The following KCNN3 variants were observed in gnomAD, a reference collection of about 807,000 sequenced individuals.
KCNN3 encodes the protein small conductance calcium-activated potassium channel protein 3.
Under a neutral mutation model 62.9 loss-of-function variants are expected in KCNN3, and 16 were observed. The ratio of observed to expected loss-of-function variants is 0.25; its 90% confidence interval spans 0.17 to 0.39. KCNN3 has a LOEUF of 0.39. Ranked by LOEUF, KCNN3 falls within the 10% of genes least tolerant of loss-of-function variation. The pLI, the probability that KCNN3 is intolerant of heterozygous loss-of-function variation, is 1.00. For missense variants in KCNN3, 599 were observed against 949.4 expected (o/e 0.63, Z 4.85); for synonymous variants, 370 against 389.2 (o/e 0.95, Z 0.58).
chr1:154,795,903 G>A (rs1649714211), intron 2 of KCNN3, among the ~76,000 whole-genome samples: 3 of 152,220 alleles, frequency 2.0e-5, no homozygotes, highest in South Asian at 2.1e-4. Context: ...AGCAGGGCAG[G>A]GCCAATTCTG....
intron 3 of KCNN3, among the ~76,000 whole-genome samples, chr1:154,734,144 T>C (rs6426905): frequency 0.85 from 129,692 of 152,190 alleles, 56,184 homozygotes; most frequent in Non-Finnish European, 0.94. Flanking sequence ...CCAGGGCTTA[T>C]ACAAAGTGCA....
At chr1:154,842,610 T>A (rs1345187623) in intron 1 of KCNN3, among the ~76,000 whole-genome samples, 1 of 144,408 alleles carries the variant, frequency 6.9e-6, no homozygotes, top group Non-Finnish European at 1.5e-5. Context: ...CTGGTTTCCC[T>A]CCTGTGGCTC....
At chr1:154,795,708 G>A (rs541268913) in intron 2 of KCNN3, among the ~76,000 whole-genome samples, 11 of 152,346 alleles carry the variant, frequency 7.2e-5, no homozygotes, top group African/African-American at 2.6e-4. Context: ...AGTTGGTGGG[G>A]GTGGGTCAGG....
At chr1:154,727,891 T>G (rs534076851) in intron 4 of KCNN3, among the ~76,000 whole-genome samples, 1 of 152,240 alleles carries the variant, frequency 6.6e-6, no homozygotes, top group Non-Finnish European at 1.5e-5. Flanking sequence ...CCAAAAGTAC[T>G]TTGGGCTGAA....
chr1:154,785,465 A>G (rs1220966157), intron 2 of KCNN3, among the ~76,000 whole-genome samples: 1 of 151,846 alleles, frequency 6.6e-6, no homozygotes, highest in Non-Finnish European at 1.5e-5. Flanking sequence ...TCACCCCTTC[A>G]GGGGGAGCTT....
chr1:154,776,831 C>A (rs1012276798), intron 2 of KCNN3, among the ~76,000 whole-genome samples: 1 of 152,186 alleles, frequency 6.6e-6, no homozygotes, highest in Non-Finnish European at 1.5e-5. Flanking sequence ...CATGCCCAGG[C>A]CCAGGCCCAC....
At chr1:154,822,256 G>A in intron 1 of KCNN3, 72 bp from the exon 2 acceptor site, 1 of 1,169,442 alleles carries the variant, frequency 8.6e-7, no homozygotes, top group East Asian at 2.4e-5. Context: ...CTGCGGCTGT[G>A]TAAAAGAGAA....
chr1:154,868,438 A>G, intron 1 of KCNN3: 1 of 797,000 alleles, frequency 1.3e-6, no homozygotes. Flanking sequence ...AGAGGAGGGA[A>G]ACAGAAACTT....
At chr1:154,850,791 G>C (rs942942669) in intron 1 of KCNN3, among the ~76,000 whole-genome samples, 7 of 152,114 alleles carry the variant, frequency 4.6e-5, no homozygotes, top group Non-Finnish European at 8.8e-5. Context: ...ATAAAATCAG[G>C]CTTCCAGGCC....
At chr1:154,732,694 C>T (rs1176361020) in intron 4 of KCNN3, among the ~76,000 whole-genome samples, 1 of 152,182 alleles carries the variant, frequency 6.6e-6, no homozygotes, top group Non-Finnish European at 1.5e-5. Flanking sequence ...GGCTGCACAG[C>T]AGTGGGGTGG....
chr1:154,782,549 C>A (rs1472042450), intron 2 of KCNN3, among the ~76,000 whole-genome samples: 2 of 152,182 alleles, frequency 1.3e-5, no homozygotes, highest in African/African-American at 2.4e-5. Context: ...CTTATTTAAA[C>A]TTAATTACCT....
At chr1:154,846,451 C>G (rs907080376) in intron 1 of KCNN3, among the ~76,000 whole-genome samples, 2 of 152,212 alleles carry the variant, frequency 1.3e-5, no homozygotes, top group Non-Finnish European at 2.9e-5. Context: ...GAGCCAGGAG[C>G]GTCTGCCCCC....
At chr1:154,732,373 T>A (rs912270980) in intron 4 of KCNN3, among the ~76,000 whole-genome samples, 3 of 152,196 alleles carry the variant, frequency 2.0e-5, no homozygotes, top group Non-Finnish European at 4.4e-5. Flanking sequence ...GCTGGGCACC[T>A]GGAGATGGGA....
Position 154,869,627 on chromosome 1 carries a change from G to A in KCNN3, c.338C>T (p.Ser113Leu), listed in dbSNP as rs973416823. 16 of 1,613,842 alleles carry A rather than the reference G, an allele frequency of 9.9e-6. No individual in the cohort carries two copies. The highest frequency in any genetic ancestry group is 1.4e-5 in the Non-Finnish European group (16 of 1,179,890). The change falls in exon 1 of 8, where the codon TCG becomes TTG. Residue 113 changes from serine (S) to leucine (L), a missense_variant. By Grantham distance (145) the Ser-to-Leu change is moderately radical. This residue lies in a region of KCNN3 where 112 missense variants were observed against 142.9 expected (regional missense o/e 0.78). Transcript: ENST00000271915. This position sits in a 1 kb window ranked among gnomAD's most constrained non-coding sequence, Gnocchi z 6.1. Reference sequence around the variant, plus strand: ...GTGGAGGATGGCGGTGGAGTTGGACGAAGGGGGGGCCCTGAAAGCGGTGGG... The same window carrying A: ...GTGGAGGATGGCGGTGGAGTTGGACAAAGGGGGGGCCCTGAAAGCGGTGGG... ...SSPTAFRAPPSSNSTAILHPS... is the reference protein window; with the variant it reads ...SSPTAFRAPPLSNSTAILHPS...
intron 1 of KCNN3, among the ~76,000 whole-genome samples, chr1:154,841,551 A>G (rs1360071609): frequency 1.3e-5 from 2 of 152,000 alleles, no homozygotes. Flanking sequence ...GGAGATTGAA[A>G]CTCAGAGAGG....
intron 3 of KCNN3, among the ~76,000 whole-genome samples, chr1:154,756,571 C>G (rs1352313928): frequency 6.6e-6 from 1 of 152,062 alleles, no homozygotes; most frequent in African/African-American, 2.4e-5. Flanking sequence ...TCTTCTCATT[C>G]TTCTCAGAAG....
intron 1 of KCNN3, among the ~76,000 whole-genome samples, chr1:154,856,617 C>T (rs1269625208): frequency 2.0e-5 from 3 of 152,168 alleles, no homozygotes; most frequent in Non-Finnish European, 2.9e-5. Flanking sequence ...CTTCACAGAG[C>T]GCTCCATGTG....
In KCNN3 at chr1:154,822,169, A is replaced by G. The variant is rs1342035493; in HGVS notation, c.949T>C (p.Leu317=). The change falls in exon 2 of 8, where the codon TTG becomes CTG. Residue 317 remains leucine (L), a synonymous_variant. Coordinates refer to ENST00000271915, the MANE Select transcript of KCNN3 (RefSeq NM_002249.6). ...GLYSKDSMFS[L]ALKCLISLST... is the part of the protein sequence containing the mutation. ...AGACTGATAAGGCATTTCAGGGCCAACGAAAACATGGAGTCCTGCAGGAAC... is the reference window on the plus strand; with the variant it reads ...AGACTGATAAGGCATTTCAGGGCCAGCGAAAACATGGAGTCCTGCAGGAAC... 26 of 1,613,344 alleles carry G rather than the reference A, an allele frequency of 1.6e-5. No homozygotes were observed. The highest frequency in any genetic ancestry group is 2.2e-5 in the East Asian group (1 of 44,894).
rs933110680 is a variant in KCNN3 at position 154,699,534 on chromosome 1, A to G, written c.*8442T>C. ...TTTTTACAATGAACAGGTTAAAGCC[A>G]TTAATTTAGAACATAACTGTTTCTG... On this transcript the variant is annotated 3_prime_UTR_variant, in exon 8 of 8. Coordinates refer to ENST00000271915, the MANE Select transcript of KCNN3 (RefSeq NM_002249.6). The G allele has an allele frequency of 6.6e-6, 1 of 152,216 alleles. No homozygotes were observed. Among genetic ancestry groups the G allele is most frequent in the Admixed American group, 6.5e-5 (1 of 15,280 alleles). The allele number at this position is 152,216 out of a possible 1,614,324, so 9.4% of individuals were successfully genotyped here. A position where few individuals can be genotyped will look rare whatever the true frequency, so the allele number is the denominator to read the frequency against.
Sources: allele counts gnomAD v4.1 joint callset (sites outside exome capture counted in the v4.1 genomes callset), GRCh38; gene constraint gnomAD v4.1.1; regional missense constraint gnomAD v4.1.1; non-coding constraint Gnocchi (gnomAD v3.1); transcripts MANE v1.5; gene names NCBI Gene and HGNC (gene_info 2026-07-23, HGNC 2026-07-21).